Variants in RNLS observed in about 807,000 individuals in gnomAD.
RNLS encodes renalase, FAD dependent amine oxidase.
Under a neutral mutation model 39.8 loss-of-function variants are expected in RNLS, and 39 were observed. That is an observed-to-expected ratio of 0.98 (90% CI 0.76 to 1.28). The LOEUF (loss-of-function observed/expected upper bound fraction) is 1.28. Among genes scored for constraint, RNLS ranks in the 50% most tolerant of loss-of-function variants. The probability of loss-of-function intolerance (pLI) is 0.00; values close to 1 mark genes in which losing one functional copy is unlikely to be tolerated. For missense variants in RNLS, 410 were observed against 413.3 expected, an observed-to-expected ratio of 0.99 and a Z score of 0.07; for synonymous variants, 147 against 150.7, an observed-to-expected ratio of 0.98 and a Z score of 0.18.
At chr10:88,393,227 A>C (rs1418887192) in intron 4 of RNLS, among the ~76,000 whole-genome samples, 6 of 152,084 alleles carry the variant, frequency 3.9e-5, no homozygotes, top group Admixed American at 1.3e-4. Flanking sequence ...AAGGGTATTC[A>C]ATTAGGAAAA....
chr10:88,538,362 C>T (rs1847878993), intron 4 of RNLS, among the ~76,000 whole-genome samples: 1 of 152,132 alleles, frequency 6.6e-6, no homozygotes, highest in Admixed American at 6.6e-5. Context: ...ATCAAATCCA[C>T]AAGTATTCTA....
the RNLS span, among the ~76,000 whole-genome samples, chr10:88,203,317 T>C: frequency 0.45 from 2,314 of 5,146 alleles, 733 homozygotes; most frequent in African/African-American, 0.58. Context: ...TATATACGTA[T>C]GTATATATAT....
intron 4 of RNLS, among the ~76,000 whole-genome samples, chr10:88,471,366 T>C (rs1433595927): frequency 2.0e-5 from 3 of 152,166 alleles, no homozygotes; most frequent in African/African-American, 7.2e-5. Flanking sequence ...GCTAGGTCAA[T>C]GTTATGCCCA....
intron 4 of RNLS, among the ~76,000 whole-genome samples, chr10:88,506,551 A>G (rs1404510927): frequency 6.6e-6 from 1 of 151,670 alleles, no homozygotes; most frequent in Non-Finnish European, 1.5e-5. Context: ...AAAAATTAAA[A>G]AATAAATAAG....
the RNLS span, among the ~76,000 whole-genome samples, chr10:88,258,393 G>A: frequency 5.9e-5 from 9 of 152,168 alleles, no homozygotes; most frequent in Non-Finnish European, 1.2e-4. Context: ...TTTGGAGTCC[G>A]TTTTGAACCC....
intron 4 of RNLS, among the ~76,000 whole-genome samples, chr10:88,450,870 C>T (rs1003303171): frequency 1.1e-4 from 16 of 151,990 alleles, no homozygotes; most frequent in African/African-American, 3.9e-4. Flanking sequence ...TAAATAACAA[C>T]AAACAGGAGA....
the RNLS span, among the ~76,000 whole-genome samples, chr10:88,184,958 A>T: frequency 6.6e-6 from 1 of 152,174 alleles, no homozygotes; most frequent in Non-Finnish European, 1.5e-5. Context: ...TTCTTTGTGC[A>T]TTGGTCCCTT....
chr10:88,313,742 C>T (rs963649918), intron 6 of RNLS, among the ~76,000 whole-genome samples: 12 of 152,202 alleles, frequency 7.9e-5, no homozygotes, highest in African/African-American at 2.9e-4. Context: ...CAACTCACTG[C>T]TTTTTCTCCT....
At chr10:88,577,364 T>A (rs61852500) in intron 3 of RNLS, among the ~76,000 whole-genome samples, 5 of 152,056 alleles carry the variant, frequency 3.3e-5, no homozygotes, top group African/African-American at 1.2e-4. Context: ...TTGCCCTCCA[T>A]GAGAGACTTA....
At chr10:88,573,404 A>C (rs1048154063) in intron 3 of RNLS, among the ~76,000 whole-genome samples, 6 of 152,246 alleles carry the variant, frequency 3.9e-5, no homozygotes, top group Admixed American at 2.6e-4. Context: ...ACAAGGAAAT[A>C]GATTGAGAAA....
At chr10:88,334,943 T>C (rs993514523) in intron 5 of RNLS, among the ~76,000 whole-genome samples, 1 of 152,192 alleles carries the variant, frequency 6.6e-6, no homozygotes, top group Non-Finnish European at 1.5e-5. Flanking sequence ...AAACTAAACA[T>C]ATGTAGTTAA....
chr10:88,485,230 T>C lies in RNLS; in HGVS notation c.526+87673A>G, dbSNP rs537214231. 2.6e-5 allele frequency among the ~76,000 whole-genome samples: 4 copies of C among 152,050 alleles called. No individual in the cohort carries two copies. In the East Asian group the frequency reaches 7.7e-4, roughly 29 times the overall value. ...TTCAAAATTTATTATTAATATATAC[T>C]AGTCAAGACAGTGTGGTATTGATGT... On this transcript the variant is annotated intron_variant, in intron 4 of 6. Coordinates refer to ENST00000331772, the MANE Select transcript of RNLS (RefSeq NM_001031709.3).
At chr10:88,539,200 T>G (rs1203032967) in intron 4 of RNLS, among the ~76,000 whole-genome samples, 1 of 152,148 alleles carries the variant, frequency 6.6e-6, no homozygotes, top group African/African-American at 2.4e-5. Context: ...AAGTCTACAT[T>G]GTACTTTGTG....
the RNLS span, among the ~76,000 whole-genome samples, chr10:88,237,652 G>T: frequency 2.0e-5 from 3 of 152,162 alleles, no homozygotes; most frequent in African/African-American, 7.2e-5. Flanking sequence ...TTATAAGAAA[G>T]TAGCAGAGAA....
At chr10:88,384,921 T>C (rs1048092976) in intron 4 of RNLS, among the ~76,000 whole-genome samples, 1 of 152,244 alleles carries the variant, frequency 6.6e-6, no homozygotes, top group African/African-American at 2.4e-5. Context: ...TCATACTCAC[T>C]TAGGCTTACA....
At chr10:88,409,611 A>G (rs1853531052) in intron 4 of RNLS, among the ~76,000 whole-genome samples, 1 of 152,116 alleles carries the variant, frequency 6.6e-6, no homozygotes, top group Non-Finnish European at 1.5e-5. Flanking sequence ...AAAGGATTAT[A>G]TAAAATAGTG....
In RNLS at chr10:88,540,721, A is replaced by G. The variant is rs904403727; in HGVS notation, c.526+32182T>C. 2.0e-5 allele frequency among the ~76,000 whole-genome samples: 3 copies of G among 152,268 alleles called. 1 individual carries two copies. In the South Asian group the frequency reaches 6.2e-4, roughly 32 times the overall value. On this transcript the variant is annotated intron_variant, in intron 4 of 6. Transcript: ENST00000331772. Reference sequence around the variant, plus strand: ...GTGGAATAAGTGTACTTTTCCAGAGAAACTCTCTCAAGGACAACATACATT... The same window carrying G: ...GTGGAATAAGTGTACTTTTCCAGAGGAACTCTCTCAAGGACAACATACATT...
intron 4 of RNLS, among the ~76,000 whole-genome samples, chr10:88,519,724 G>GATATATGATATC (rs1846611637): frequency 6.7e-6 from 1 of 150,076 alleles, no homozygotes; most frequent in Admixed American, 6.7e-5. Flanking sequence ...ACATATATAT[G>GATATATGATATC]ATATATATCA....
the RNLS span, among the ~76,000 whole-genome samples, chr10:88,240,707 T>C: frequency 1.3e-5 from 2 of 152,098 alleles, no homozygotes; most frequent in Non-Finnish European, 2.9e-5. Context: ...TCAGAGCTTT[T>C]CTCCAGCCTT....
Sources: gnomAD v4.1 joint callset for allele counts (sites outside exome capture counted in the v4.1 genomes callset) on GRCh38, gnomAD v4.1.1 for gene constraint, MANE v1.5 for transcripts, NCBI Gene and HGNC (gene_info 2026-07-23, HGNC 2026-07-21) for gene names.